RGS7: variants seen among roughly 807,000 people sequenced by gnomAD.
RGS7 encodes regulator of G-protein signaling 7.
In RGS7, 27 loss-of-function variants were observed where a neutral mutation model predicts 81.1. That is an observed-to-expected ratio of 0.33 (90% CI 0.25 to 0.46). The LOEUF (loss-of-function observed/expected upper bound fraction) is 0.46. RGS7 is among the 20% of genes least tolerant of loss of function. The pLI is 1.00. For synonymous variants in RGS7, 208 were observed against 207.7 expected (o/e 1.00, Z -0.01); for missense variants, 396 against 607.4 (o/e 0.65, Z 3.66).
At chr1:240,883,093 A>T (rs1217869587) in intron 6 of RGS7, among the ~76,000 whole-genome samples, 1 of 141,488 alleles carries the variant, frequency 7.1e-6, no homozygotes, top group African/African-American at 2.6e-5. Context: ...ATGGCTGCAT[A>T]GTATTCCATG....
chr1:240,897,376 G>GAAAA (rs1254606938), intron 6 of RGS7, among the ~76,000 whole-genome samples: 18 of 152,176 alleles, frequency 1.2e-4, no homozygotes, highest in African/African-American at 4.1e-4. Context: ...CAAAGGGAAT[G>GAAAA]CTTCCAGTTT....
At chr1:240,864,898 T>C (rs1662946602) in intron 9 of RGS7, among the ~76,000 whole-genome samples, 2 of 152,182 alleles carry the variant, frequency 1.3e-5, no homozygotes, top group South Asian at 2.1e-4. Flanking sequence ...GATTCATAGA[T>C]GTCATTAAAA....
intron 9 of RGS7, among the ~76,000 whole-genome samples, chr1:240,865,441 G>C (rs1663066507): frequency 6.6e-6 from 1 of 152,186 alleles, no homozygotes; most frequent in Non-Finnish European, 1.5e-5. Flanking sequence ...CCTACACGTG[G>C]TCTGGGATTC....
rs2068145317 is a variant in RGS7, at chr1:241,144,377, C to T, written c.79-45615G>A. Among the ~76,000 whole-genome samples, 1 of 152,194 alleles carries T rather than the reference C, an allele frequency of 6.6e-6. No homozygotes were observed. The highest frequency in any genetic ancestry group is 6.5e-5 in the Admixed American group (1 of 15,278). On this transcript the variant is annotated intron_variant, in intron 2 of 18. Transcript: ENST00000440928. This position sits in a 1 kb window ranked among gnomAD's most constrained non-coding sequence, Gnocchi z 4.7. ...CCAAATACACTGCAGGTAAGACCCA[C>T]TACTACTAGTCTCACAGTTTCACAG...
intron 2 of RGS7, among the ~76,000 whole-genome samples, chr1:241,286,952 T>C (rs1049763353): frequency 2.0e-5 from 3 of 152,238 alleles, no homozygotes; most frequent in Admixed American, 6.5e-5. Context: ...GCCTGCAGAA[T>C]ATAGATTTCT....
At chr1:241,156,585 G>C (rs1386816026) in intron 2 of RGS7, among the ~76,000 whole-genome samples, 2 of 146,660 alleles carry the variant, frequency 1.4e-5, no homozygotes, top group East Asian at 4.2e-4. Context: ...GGGAGAGGAG[G>C]GGAGGGGAGA....
At chr1:241,127,687 TATA>T (rs542072017) in intron 2 of RGS7, among the ~76,000 whole-genome samples, 68 of 152,186 alleles carry the variant, frequency 4.5e-4, no homozygotes, top group African/African-American at 1.6e-3. Flanking sequence ...AAACTTAAAG[TATA>T]ATAATAATAA....
At chr1:241,262,520 G>A (rs931384987) in intron 2 of RGS7, among the ~76,000 whole-genome samples, 5 of 152,192 alleles carry the variant, frequency 3.3e-5, no homozygotes, top group African/African-American at 4.8e-5. Flanking sequence ...AGTTATGTGG[G>A]AAGAGAGATT....
At chr1:241,188,973 T>C (rs1242332665) in intron 2 of RGS7, among the ~76,000 whole-genome samples, 1 of 152,106 alleles carries the variant, frequency 6.6e-6, no homozygotes, top group Non-Finnish European at 1.5e-5. Context: ...TTTGGTGTTG[T>C]CACTTTTGAA....
chr1:241,205,890 T>C (rs2073847013), intron 2 of RGS7, among the ~76,000 whole-genome samples: 1 of 152,152 alleles, frequency 6.6e-6, no homozygotes, highest in East Asian at 1.9e-4. Flanking sequence ...GCTAGACAAA[T>C]ATTAATAGAC....
chr1:240,839,458 T>C (rs1176353524), intron 9 of RGS7, among the ~76,000 whole-genome samples: 3 of 152,180 alleles, frequency 2.0e-5, no homozygotes, highest in Admixed American at 6.5e-5. Context: ...CTCAAAACTG[T>C]AACAAATAAA....
chr1:240,777,046 G>C (rs372811527), intron 18 of RGS7, among the ~76,000 whole-genome samples: 1 of 152,188 alleles, frequency 6.6e-6, no homozygotes, highest in East Asian at 1.9e-4. Flanking sequence ...TGTAATCCCA[G>C]CATTTTGGGA....
chr1:241,243,695 G>C (rs1195515130), intron 2 of RGS7, among the ~76,000 whole-genome samples: 1 of 152,132 alleles, frequency 6.6e-6, no homozygotes, highest in African/African-American at 2.4e-5. Flanking sequence ...GGAATAAAAA[G>C]TTCTATTTTG....
At chr1:240,927,256 G>A (rs112953862) in intron 6 of RGS7, among the ~76,000 whole-genome samples, 4,888 of 152,138 alleles carry the variant, frequency 0.032, 244 homozygotes, top group African/African-American at 0.11. Flanking sequence ...TAGTAGAGAC[G>A]GGGTTTCACC....
chr1:240,841,686 G>A (rs1221815702), intron 9 of RGS7, among the ~76,000 whole-genome samples: 1 of 152,170 alleles, frequency 6.6e-6, no homozygotes, highest in Non-Finnish European at 1.5e-5. Flanking sequence ...AACCTTGGAA[G>A]AGAATATAAA....
intron 6 of RGS7, among the ~76,000 whole-genome samples, chr1:240,887,238 T>G (rs1444380421): frequency 8.8e-5 from 6 of 68,118 alleles, no homozygotes; most frequent in African/African-American, 2.3e-4. Flanking sequence ...TTTTTTTTTT[T>G]TTTTTTTTGA....
chr1:241,089,021 A>ATATCTCTCTC (rs1491299995), intron 3 of RGS7, among the ~76,000 whole-genome samples: 2 of 23,658 alleles, frequency 8.5e-5, no homozygotes, highest in African/African-American at 5.4e-4. Context: ...GCAAGACTCC[A>ATATCTCTCTC]TCTCTCTCTC....
At chr1:240,959,541 C>A (rs1171966059) in intron 4 of RGS7, among the ~76,000 whole-genome samples, 2 of 152,198 alleles carry the variant, frequency 1.3e-5, no homozygotes, top group African/African-American at 4.8e-5. Flanking sequence ...TATCACTAGG[C>A]ACTAGGAAAC....
chr1:241,101,142 T>C (rs943454858), intron 2 of RGS7, among the ~76,000 whole-genome samples: 2 of 152,250 alleles, frequency 1.3e-5, no homozygotes, highest in African/African-American at 4.8e-5. Flanking sequence ...GGTGATGTTG[T>C]GACCCCTACG....
Sources: gnomAD v4.1 joint callset for allele counts (sites outside exome capture counted in the v4.1 genomes callset) on GRCh38, gnomAD v4.1.1 for gene constraint, Gnocchi (gnomAD v3.1) non-coding constraint, MANE v1.5 for transcripts, NCBI Gene and HGNC (gene_info 2026-07-23, HGNC 2026-07-21) for gene names.